SPATA6: variants seen among roughly 807,000 people sequenced by gnomAD.
SPATA6 encodes the protein spermatogenesis associated 6, also known as spermatogenesis-associated protein 6.
Under a neutral mutation model 65.3 loss-of-function variants are expected in SPATA6, and 56 were observed. That is an observed-to-expected ratio of 0.86 (90% CI 0.69 to 1.07). The LOEUF (loss-of-function observed/expected upper bound fraction) is 1.07. Ranked by LOEUF, SPATA6 falls within the 50% of genes least tolerant of loss-of-function variation. The pLI is 0.00. For missense variants in SPATA6, 590 were observed against 594.8 expected (o/e 0.99, Z 0.08); for synonymous variants, 199 against 213.2 (o/e 0.93, Z 0.58).
At chr1:48,452,875 T>C in intron 2 of SPATA6, 119 bp downstream of exon 2, 2 of 1,242,972 alleles carry the variant, frequency 1.6e-6, no homozygotes, top group Non-Finnish European at 2.1e-6. Context: ...CAAATGTCCT[T>C]TTGAATTAAA....
intron 1 of SPATA6, 23 bp downstream of exon 1, chr1:48,471,935 T>A: frequency 6.2e-7 from 1 of 1,605,512 alleles, no homozygotes; most frequent in South Asian, 1.1e-5. Flanking sequence ...TGCCCGGGGG[T>A]GGGAGGCGCT....
chr1:48,337,342 T>C (rs1483070936), intron 11 of SPATA6, among the ~76,000 whole-genome samples: 1 of 151,704 alleles, frequency 6.6e-6, no homozygotes, highest in Non-Finnish European at 1.5e-5. Flanking sequence ...TTTTTAAAAA[T>C]AAAAAATATT....
downstream of SPATA6, among the ~76,000 whole-genome samples, chr1:48,291,509 GA>G (rs1194985460): frequency 6.6e-6 from 1 of 152,174 alleles, no homozygotes; most frequent in Non-Finnish European, 1.5e-5. Context: ...GGAAGTGGGG[GA>G]AAGTCGGCAG....
chr1:48,343,836 T>C (rs1646286950), intron 11 of SPATA6, among the ~76,000 whole-genome samples: 8 of 152,188 alleles, frequency 5.3e-5, no homozygotes, highest in Admixed American at 5.2e-4. Context: ...TGTTCATTTA[T>C]GTTAAACTTT....
chr1:48,302,941 T>C (rs974596964), intron 12 of SPATA6, among the ~76,000 whole-genome samples: 1 of 152,016 alleles, frequency 6.6e-6, no homozygotes, highest in African/African-American at 2.4e-5. Flanking sequence ...ATTGTTTCTG[T>C]TAATGGAATT....
At chr1:48,398,972 A>G (rs2147927810) in intron 7 of SPATA6, 1 of 160,010 alleles carries the variant, frequency 6.2e-6, no homozygotes, top group Middle Eastern at 3.0e-3. Context: ...ATAATTTAAA[A>G]AAGGAGGGTC....
At chr1:48,455,771 T>TA (rs1200018012) in intron 1 of SPATA6, among the ~76,000 whole-genome samples, 4 of 152,168 alleles carry the variant, frequency 2.6e-5, no homozygotes. Flanking sequence ...TTCTGGACAG[T>TA]ACTGCTCTAA....
At chr1:48,308,828 T>A (rs1423767806) in intron 11 of SPATA6, among the ~76,000 whole-genome samples, 3 of 152,178 alleles carry the variant, frequency 2.0e-5, no homozygotes, top group Non-Finnish European at 4.4e-5. Context: ...CACATTTATG[T>A]GATGAATTCC....
At chr1:48,404,282 G>C (rs1390491621) in intron 5 of SPATA6, among the ~76,000 whole-genome samples, 1 of 152,046 alleles carries the variant, frequency 6.6e-6, no homozygotes, top group African/African-American at 2.4e-5. Flanking sequence ...ATGTTAGTTT[G>C]ATTTAGCCAT....
chr1:48,453,257 TAAAG>T (rs879079880), intron 1 of SPATA6, 126 bp from the exon 2 acceptor site: 61 of 1,054,332 alleles, frequency 5.8e-5, no homozygotes, highest in African/African-American at 1.5e-4. Flanking sequence ...TACTCACAAA[TAAAG>T]AGAGAGAGAC....
At chr1:48,291,962 C>T (rs879397456), downstream of SPATA6, among the ~76,000 whole-genome samples, 7 of 152,132 alleles carry the variant, frequency 4.6e-5, no homozygotes, top group Non-Finnish European at 1.0e-4. Context: ...CCCCGCTTTC[C>T]TAATTTTGTT....
intron 9 of SPATA6, among the ~76,000 whole-genome samples, chr1:48,367,310 G>A (rs1254508986): frequency 6.6e-6 from 1 of 152,114 alleles, no homozygotes; most frequent in African/African-American, 2.4e-5. Flanking sequence ...TGTCTATTAG[G>A]TCTGCTTGGT....
chr1:48,289,650 C>A, the SPATA6 span, among the ~76,000 whole-genome samples: 1 of 152,296 alleles, frequency 6.6e-6, no homozygotes, highest in East Asian at 1.9e-4. Flanking sequence ...TAGAGAAGAT[C>A]TTAAATGACC....
At chr1:48,420,062 C>T (rs1373406327) in intron 3 of SPATA6, among the ~76,000 whole-genome samples, 1 of 152,094 alleles carries the variant, frequency 6.6e-6, no homozygotes, top group Non-Finnish European at 1.5e-5. Context: ...TTGCAGCACC[C>T]CCCACAAACT....
chr1:48,437,978 G>GACC (rs1322403759), intron 3 of SPATA6, among the ~76,000 whole-genome samples: 1 of 151,758 alleles, frequency 6.6e-6, no homozygotes, highest in African/African-American at 2.4e-5. Flanking sequence ...CTGTAAAATG[G>GACC]ACCAATCAGT....
chr1:48,276,162 T>G, the SPATA6 span, among the ~76,000 whole-genome samples: 4 of 152,340 alleles, frequency 2.6e-5, no homozygotes, highest in East Asian at 7.7e-4. Flanking sequence ...TATTTGTATT[T>G]CTGTGAGATC....
intron 11 of SPATA6, among the ~76,000 whole-genome samples, chr1:48,316,652 C>G (rs938732389): frequency 3.3e-5 from 5 of 152,164 alleles, no homozygotes; most frequent in African/African-American, 1.2e-4. Context: ...ACACCAAAAG[C>G]AGTGGCAACA....
At chr1:48,432,660 G>A (rs1225361823) in intron 3 of SPATA6, among the ~76,000 whole-genome samples, 2 of 152,134 alleles carry the variant, frequency 1.3e-5, no homozygotes, top group African/African-American at 4.8e-5. Flanking sequence ...GAAGAAATTG[G>A]AATCCTTGTG....
chr1:48,349,450 A>G (rs1557596083), intron 11 of SPATA6, among the ~76,000 whole-genome samples: 1 of 151,994 alleles, frequency 6.6e-6, no homozygotes, highest in African/African-American at 2.4e-5. Context: ...TAATATTGTC[A>G]TATTCATCAA....
Sources: allele counts gnomAD v4.1 joint callset (sites outside exome capture counted in the v4.1 genomes callset), GRCh38; gene constraint gnomAD v4.1.1; transcripts MANE v1.5; gene names NCBI Gene and HGNC (gene_info 2026-07-23, HGNC 2026-07-21).